VTCN1: variants seen among roughly 807,000 people sequenced by gnomAD.
The protein encoded by VTCN1 is V-set domain containing T cell activation inhibitor 1.
In VTCN1, 26 loss-of-function variants were observed where a neutral mutation model predicts 26.5. The ratio of observed to expected loss-of-function variants is 0.98; its 90% CI spans 0.72 to 1.36. The LOEUF (loss-of-function observed/expected upper bound fraction) is 1.36, where lower values mean the gene tolerates loss of function less well. VTCN1 is among the 40% of genes most tolerant of loss of function. VTCN1 has a pLI of 0.00. For synonymous variants in VTCN1, 116 were observed against 130.7 expected, an observed-to-expected ratio of 0.89 and a Z score of 0.77; for missense variants, 298 against 337.7, an observed-to-expected ratio of 0.88 and a Z score of 0.92.
chr1:117,151,650 T>G (rs550520446), intron 4 of VTCN1, among the ~76,000 whole-genome samples: 4 of 152,210 alleles, frequency 2.6e-5, no homozygotes, highest in Non-Finnish European at 5.9e-5. Flanking sequence ...GAGTGCTGAT[T>G]GGTGCATTTG....
intron 1 of VTCN1, among the ~76,000 whole-genome samples, chr1:117,197,870 G>A (rs1363776686): frequency 2.0e-5 from 3 of 152,134 alleles, no homozygotes; most frequent in African/African-American, 7.2e-5. Context: ...GTTTGCCAGC[G>A]TTTGCTTCTT....
chr1:117,195,604 T>A (rs1648469649), intron 1 of VTCN1, among the ~76,000 whole-genome samples: 1 of 152,174 alleles, frequency 6.6e-6, no homozygotes, highest in East Asian at 1.9e-4. Flanking sequence ...TCTTTTTCAA[T>A]ATGTTGGCAG....
At chr1:117,204,052 T>A (rs1648921926) in intron 1 of VTCN1, among the ~76,000 whole-genome samples, 1 of 152,198 alleles carries the variant, frequency 6.6e-6, no homozygotes, top group Non-Finnish European at 1.5e-5. Context: ...AGACGATGTC[T>A]GAGTCCATTG....
At chr1:117,166,944 T>C (rs1652646376) in intron 2 of VTCN1, among the ~76,000 whole-genome samples, 1 of 151,728 alleles carries the variant, frequency 6.6e-6, no homozygotes, top group Admixed American at 6.6e-5. Flanking sequence ...GTACAAAAAA[T>C]TAGCCAGGTG....
chr1:117,200,586 C>T (rs551802337), intron 1 of VTCN1, among the ~76,000 whole-genome samples: 77 of 152,266 alleles, frequency 5.1e-4, no homozygotes, highest in African/African-American at 1.7e-3. Flanking sequence ...AGATGTAGCC[C>T]GCCTACATAG....
In VTCN1 at chr1:117,147,722, A is replaced by G; in HGVS notation, c.785T>C (p.Val262Ala). Residue 262 changes from valine (V) to alanine (A), a missense_variant, in exon 5 of 6, where the codon GTC becomes GCC. Coordinates refer to ENST00000369458, the MANE Select transcript of VTCN1 (RefSeq NM_024626.4). This position sits in a 1 kb window ranked among gnomAD's most constrained non-coding sequence, Gnocchi z 4.6. ...CCAGCTGATGGCAAAGAAAGAAGAGACACACAGAGAAGCCTTTGAGTTTAG... is the reference window on the plus strand; with the variant it reads ...CCAGCTGATGGCAAAGAAAGAAGAGGCACACAGAGAAGCCTTTGAGTTTAG... ...QLLNSKASLC[V>A]SSFFAISWAL... The G allele has an allele frequency of 6.2e-7, 1 of 1,614,056 alleles. No individual in the cohort carries two copies. Among genetic ancestry groups the G allele is most frequent in the Non-Finnish European group, 8.5e-7 (1 of 1,179,958 alleles).
chr1:117,170,458 G>T (rs930010123), intron 1 of VTCN1: 9 of 470,490 alleles, frequency 1.9e-5, no homozygotes, highest in South Asian at 1.6e-4. Flanking sequence ...TATGGAGACT[G>T]TTGGGGCAAG....
In VTCN1 at chr1:117,158,159, G is replaced by C. The variant is rs538317673; in HGVS notation, c.98-1238C>G. Among the ~76,000 whole-genome samples, 3 of 152,298 alleles carry C rather than the reference G, an allele frequency of 2.0e-5. No homozygotes were observed. In the South Asian group the frequency reaches 6.2e-4, roughly 32 times the overall value. On this transcript the variant is annotated intron_variant, in intron 2 of 5. Coordinates refer to ENST00000369458, the MANE Select transcript of VTCN1 (RefSeq NM_024626.4). ...CTGTCAGTGGATCTACCATTCTGTGGTCTGGAGGACAGTGGCTGTTTTCTC... is the reference window on the plus strand; with the variant it reads ...CTGTCAGTGGATCTACCATTCTGTGCTCTGGAGGACAGTGGCTGTTTTCTC...
rs1156330325 is a variant in VTCN1 at position 117,157,086 on chromosome 1, C to A, written c.98-165G>T. ...AGAAGAGAAAGAGCAGGAAGACAAT[C>A]ATTTTGATATATATATATATATATA... On this transcript the variant is annotated intron_variant, in intron 2 of 5. Coordinates refer to ENST00000369458, the MANE Select transcript of VTCN1 (RefSeq NM_024626.4). 34 of 872,700 alleles carry A rather than the reference C, an allele frequency of 3.9e-5. No homozygotes were observed. In the Admixed American group the frequency reaches 4.0e-4, roughly 10 times the overall value. The allele number at this position is 872,700 out of a possible 1,614,324, so 54.1% of individuals were successfully genotyped here.
chr1:117,203,258 A>T (rs1048539985), intron 1 of VTCN1, among the ~76,000 whole-genome samples: 11 of 151,652 alleles, frequency 7.3e-5, no homozygotes, highest in Non-Finnish European at 1.5e-4. Context: ...GGGAGAAGGG[A>T]TGGGGGTTGT....
intron 1 of VTCN1, among the ~76,000 whole-genome samples, chr1:117,182,450 C>T (rs79413967): frequency 0.03 from 4,599 of 152,260 alleles, 247 homozygotes; most frequent in African/African-American, 0.1. Flanking sequence ...AATCAGGCTG[C>T]CAGACCCACC....
chr1:117,164,989 A>G (rs1485491488), intron 2 of VTCN1, among the ~76,000 whole-genome samples: 2 of 152,244 alleles, frequency 1.3e-5, no homozygotes, highest in Non-Finnish European at 2.9e-5. Flanking sequence ...CAGCATCAGG[A>G]GAGTTACAAA....
rs1322601978 is a variant in VTCN1, at chr1:117,159,577, T to C, written c.98-2656A>G. ...CTATATCACCTACTTTAAAGGTTTC[T>C]TGTGAGGATCAAATCAAATGGATAT... is the stretch of plus-strand genomic sequence containing the variant. On this transcript the variant is annotated intron_variant, in intron 2 of 5. Transcript: ENST00000369458. The surrounding 1 kb of genome is among the most constrained non-coding windows in gnomAD (Gnocchi z 4.7). 1.3e-5 allele frequency among the ~76,000 whole-genome samples: 2 copies of C among 152,246 alleles called. No individual in the cohort carries two copies. Among genetic ancestry groups the C allele is most frequent in the Non-Finnish European group, 1.5e-5 (1 of 68,038 alleles).
chr1:117,176,039 G>T (rs988377046), intron 1 of VTCN1, among the ~76,000 whole-genome samples: 12 of 152,012 alleles, frequency 7.9e-5, no homozygotes, highest in Admixed American at 5.9e-4. Flanking sequence ...CAAAGTGCTG[G>T]GATTACAGGT....
intron 1 of VTCN1, among the ~76,000 whole-genome samples, chr1:117,189,323 C>G (rs1427859299): frequency 6.6e-6 from 1 of 152,156 alleles, no homozygotes; most frequent in Non-Finnish European, 1.5e-5. Flanking sequence ...TTTCAGTTTT[C>G]TCTGCATGAT....
In VTCN1 at chr1:117,153,315, C is replaced by A. The variant is rs771525947; in HGVS notation, c.500G>T (p.Arg167Leu). 2 of 1,614,008 alleles carry A rather than the reference C, an allele frequency of 1.2e-6. No homozygotes were observed. Among genetic ancestry groups the A allele is most frequent in the Non-Finnish European group, 8.5e-7 (1 of 1,179,936 alleles). ...VDYNASSETLRCEAPRWFPQP... is the reference protein window; with the variant it reads ...VDYNASSETLLCEAPRWFPQP... ...GGGGAACCATCGGGGAGCCTCACACCGCAAGGTCTCTGAGCTGGCATTATA... is the reference window on the plus strand; with the variant it reads ...GGGGAACCATCGGGGAGCCTCACACAGCAAGGTCTCTGAGCTGGCATTATA... The change falls in exon 4 of 6, where the codon CGG becomes CTG. Residue 167 changes from arginine to leucine, a missense_variant. Arg to Leu is a moderately radical substitution (Grantham distance 102, BLOSUM62 -2). Coordinates refer to ENST00000369458, the MANE Select transcript of VTCN1 (RefSeq NM_024626.4).
intron 3 of VTCN1, among the ~76,000 whole-genome samples, chr1:117,154,245 A>G (rs531013931): frequency 6.6e-6 from 1 of 152,190 alleles, no homozygotes; most frequent in East Asian, 1.9e-4. Flanking sequence ...CTAAGTTTAC[A>G]TGACAATGAA....
chr1:117,150,714 T>C (rs928077272), intron 4 of VTCN1, among the ~76,000 whole-genome samples: 1 of 152,230 alleles, frequency 6.6e-6, no homozygotes, highest in African/African-American at 2.4e-5. Context: ...AAACAAATCA[T>C]TAGAACTTTT....
At chr1:117,188,365 A>G (rs1160931542) in intron 1 of VTCN1, among the ~76,000 whole-genome samples, 2 of 152,152 alleles carry the variant, frequency 1.3e-5, no homozygotes, top group African/African-American at 4.8e-5. Context: ...GTCCTCACCA[A>G]TAGGAATAAC....
Sources: gnomAD v4.1 joint callset for allele counts (sites outside exome capture counted in the v4.1 genomes callset) on GRCh38, gnomAD v4.1.1 for gene constraint, Gnocchi (gnomAD v3.1) non-coding constraint, MANE v1.5 for transcripts, NCBI Gene and HGNC (gene_info 2026-07-23, HGNC 2026-07-21) for gene names.